Variants in EXOC4 observed in about 807,000 individuals in gnomAD.
The protein encoded by EXOC4 is exocyst complex component 4, also known as SEC8-like 1.
A neutral mutation model predicts 107.2 loss-of-function variants in EXOC4; 71 were observed. The ratio of observed to expected loss-of-function variants is 0.66; its 90% CI spans 0.55 to 0.81. The LOEUF is 0.81. EXOC4 is among the 30% of genes least tolerant of loss of function. The pLI is 0.00. For synonymous variants in EXOC4, 456 were observed against 441.2 expected (o/e 1.03, Z -0.42); for missense variants, 1,108 against 1,189.6 (o/e 0.93, Z 1.01).
chr7:133,862,722 A>G (rs1364865768), intron 11 of EXOC4, among the ~76,000 whole-genome samples: 1 of 152,234 alleles, frequency 6.6e-6, no homozygotes, highest in Non-Finnish European at 1.5e-5. Flanking sequence ...TATACTATAT[A>G]CATATACATG....
intron 13 of EXOC4, among the ~76,000 whole-genome samples, chr7:133,933,012 G>GTTCA (rs1183684007): frequency 1.3e-5 from 2 of 151,718 alleles, no homozygotes; most frequent in Non-Finnish European, 2.9e-5. Context: ...GTAATGTTTC[G>GTTCA]TTCATAATTG....
In EXOC4 at chr7:133,475,386, C is replaced by A; in HGVS notation, c.1241C>A (p.Ala414Asp). Reference protein sequence around the residue: ...KNTRTASEPSAQLSYASTGRE... With the variant: ...KNTRTASEPSDQLSYASTGRE... ...ACTCGTACGGCCTCTGAACCATCAGCTCAACTAAGCTATGCCAGCACTGGA... is the reference window on the plus strand; with the variant it reads ...ACTCGTACGGCCTCTGAACCATCAGATCAACTAAGCTATGCCAGCACTGGA... The change falls in exon 8 of 18, where the codon GCT (alanine) becomes GAT (aspartate). Residue 414 changes from alanine to aspartate, a missense_variant. By Grantham distance (126) the Ala-to-Asp change is moderately radical. Transcript: ENST00000253861. 1 of 1,613,924 alleles carries A rather than the reference C, an allele frequency of 6.2e-7. No individual in the cohort carries two copies. Among genetic ancestry groups the A allele is most frequent in the Non-Finnish European group, 8.5e-7 (1 of 1,179,856 alleles).
intron 10 of EXOC4, among the ~76,000 whole-genome samples, chr7:133,678,467 C>T (rs545530589): frequency 4.5e-4 from 69 of 152,256 alleles, no homozygotes; most frequent in African/African-American, 1.5e-3. Context: ...CTTAAAGTAA[C>T]GAATTTCTCA....
intron 17 of EXOC4, among the ~76,000 whole-genome samples, chr7:134,016,967 G>A (rs529751281): frequency 3.3e-5 from 5 of 152,206 alleles, no homozygotes; most frequent in African/African-American, 1.2e-4. Flanking sequence ...CCCCTGAAGC[G>A]GACTTCAAAG....
chr7:134,029,624 A>G (rs1055658723), intron 17 of EXOC4, among the ~76,000 whole-genome samples: 1 of 152,120 alleles, frequency 6.6e-6, no homozygotes, highest in Non-Finnish European at 1.5e-5. Flanking sequence ...GGCTCAAGTG[A>G]TCCTCCCACT....
intron 17 of EXOC4, among the ~76,000 whole-genome samples, chr7:134,014,822 G>A (rs1275356879): frequency 6.6e-6 from 1 of 152,022 alleles, no homozygotes; most frequent in Non-Finnish European, 1.5e-5. Context: ...TGAGTTTTAA[G>A]ACTTGAAAAA....
At position 133,538,364 on chromosome 7, in the gene EXOC4, G is replaced by A. The variant is rs749853848; in HGVS notation, c.1417+58226G>A. ...CTGTTAAATGGTTTCCTTTCCATCCGTAGCTTGACAAACATCTCCTTTCTG... is the reference window on the plus strand; with the variant it reads ...CTGTTAAATGGTTTCCTTTCCATCCATAGCTTGACAAACATCTCCTTTCTG... On this transcript the variant is annotated intron_variant, in intron 9 of 17. Transcript: ENST00000253861. Among the ~76,000 whole-genome samples, 9 of 152,066 alleles carry A rather than the reference G, an allele frequency of 5.9e-5. No individual in the cohort carries two copies. In the South Asian group the frequency reaches 6.2e-4, roughly 10 times the overall value.
At chr7:133,520,457 A>G (rs919619673) in intron 9 of EXOC4, among the ~76,000 whole-genome samples, 1 of 152,134 alleles carries the variant, frequency 6.6e-6, no homozygotes, top group Admixed American at 6.6e-5. Flanking sequence ...AATGCTGACA[A>G]ATGCATTTGT....
chr7:133,849,767 G>C (rs879853715), intron 11 of EXOC4, among the ~76,000 whole-genome samples: 1 of 152,198 alleles, frequency 6.6e-6, no homozygotes, highest in Non-Finnish European at 1.5e-5. Flanking sequence ...CTAACACGTA[G>C]TAGGTACTCA....
At chr7:133,821,041 T>C (rs1190446405) in intron 11 of EXOC4, among the ~76,000 whole-genome samples, 3 of 152,236 alleles carry the variant, frequency 2.0e-5, no homozygotes, top group Non-Finnish European at 4.4e-5. Flanking sequence ...CCTAAAACAC[T>C]GTGCAAGTGT....
At chr7:133,636,966 A>G (rs1166609499) in intron 10 of EXOC4, among the ~76,000 whole-genome samples, 2 of 152,220 alleles carry the variant, frequency 1.3e-5, no homozygotes, top group African/African-American at 4.8e-5. Flanking sequence ...AATAATTTCT[A>G]AAAATTACTC....
At position 133,718,799 on chromosome 7, in the gene EXOC4, G is replaced by A. The variant is rs7809823; in HGVS notation, c.1514+88658G>A. 2.3e-3 allele frequency among the ~76,000 whole-genome samples: 357 copies of A among 152,300 alleles called. 5 individuals carry two copies. Among genetic ancestry groups the A allele is most frequent in the African/African-American group, 8.0e-3 (333 of 41,560 alleles). ...TGAAAAGGAAGGATCCTCTGAGAAA[G>A]CGAGTGGTGAGAACATTTTTATGGG... On this transcript the variant is annotated intron_variant, in intron 10 of 17. Coordinates refer to ENST00000253861, the MANE Select transcript of EXOC4 (RefSeq NM_021807.4).
intron 14 of EXOC4, among the ~76,000 whole-genome samples, chr7:133,968,539 T>G (rs1801125532): frequency 6.6e-6 from 1 of 152,232 alleles, no homozygotes; most frequent in African/African-American, 2.4e-5. Flanking sequence ...GGCCTGGTGG[T>G]GACAAAATCT....
intron 7 of EXOC4, among the ~76,000 whole-genome samples, chr7:133,474,385 G>A (rs920082836): frequency 1.6e-4 from 25 of 151,960 alleles, no homozygotes; most frequent in Non-Finnish European, 2.2e-4. Flanking sequence ...GCATGATCTC[G>A]GCTCACTGCA....
At chr7:133,725,893 A>G (rs893506659) in intron 10 of EXOC4, among the ~76,000 whole-genome samples, 1 of 152,196 alleles carries the variant, frequency 6.6e-6, no homozygotes, top group African/African-American at 2.4e-5. Flanking sequence ...GGTGGATTGC[A>G]TGTGTGGTGT....
intron 7 of EXOC4, among the ~76,000 whole-genome samples, chr7:133,434,418 C>T (rs538644599): frequency 6.6e-6 from 1 of 151,870 alleles, no homozygotes; most frequent in South Asian, 2.1e-4. Context: ...CCTTTTTTGC[C>T]CATTGTAAAC....
chr7:133,688,671 A>G (rs1014560917), intron 10 of EXOC4, among the ~76,000 whole-genome samples: 6 of 152,200 alleles, frequency 3.9e-5, no homozygotes, highest in African/African-American at 1.4e-4. Context: ...ACGTTCATAC[A>G]TAATTTAGCT....
At chr7:133,308,753 A>G (rs1043814905) in intron 4 of EXOC4, among the ~76,000 whole-genome samples, 60 of 152,338 alleles carry the variant, frequency 3.9e-4, no homozygotes, top group African/African-American at 1.4e-3. Flanking sequence ...AATTTTTATG[A>G]TTTTCAAAAA....
At chr7:133,772,878 T>C (rs1796272966) in intron 10 of EXOC4, among the ~76,000 whole-genome samples, 1 of 152,074 alleles carries the variant, frequency 6.6e-6, no homozygotes, top group Non-Finnish European at 1.5e-5. Flanking sequence ...CTAGTGACAT[T>C]ACCTGAGTAA....
Sources: allele counts gnomAD v4.1 joint callset (sites outside exome capture counted in the v4.1 genomes callset), GRCh38; gene constraint gnomAD v4.1.1; transcripts MANE v1.5; gene names NCBI Gene and HGNC (gene_info 2026-07-23, HGNC 2026-07-21).